Variants in LINGO2 observed in about 807,000 individuals in gnomAD.
LINGO2 encodes the protein leucine-rich repeat and immunoglobulin-like domain-containing nogo receptor-interacting protein 2.
In LINGO2, 14 loss-of-function variants were observed where a neutral mutation model predicts 30.6. That is an observed-to-expected ratio of 0.46 (90% confidence interval 0.30 to 0.72). The LOEUF is 0.72. Ranked by LOEUF, LINGO2 falls within the 30% of genes least tolerant of loss-of-function variation. The pLI, the probability that LINGO2 is intolerant of heterozygous loss-of-function variation, is 0.07. For missense variants in LINGO2, 729 were observed against 751.7 expected, an observed-to-expected ratio of 0.97 and a Z score of 0.35; for synonymous variants, 317 against 288.5, an observed-to-expected ratio of 1.10 and a Z score of -1.00.
chr9:28,026,885 G>A (rs1823404232), intron 4 of LINGO2, among the ~76,000 whole-genome samples: 1 of 152,176 alleles, frequency 6.6e-6, no homozygotes, highest in South Asian at 2.1e-4. Context: ...TAAAAATGTT[G>A]AAGATCTCAG....
At chr9:28,306,916 C>G (rs1824386630) in intron 3 of LINGO2, among the ~76,000 whole-genome samples, 1 of 152,142 alleles carries the variant, frequency 6.6e-6, no homozygotes, top group Non-Finnish European at 1.5e-5. Flanking sequence ...ATAACAAGGT[C>G]TGAAATTGTG....
the LINGO2 span, among the ~76,000 whole-genome samples, chr9:28,816,608 T>C: frequency 9.9e-5 from 15 of 152,274 alleles, no homozygotes; most frequent in Non-Finnish European, 1.8e-4. Flanking sequence ...AGGGTCTGTG[T>C]CTCTACTAAT....
chr9:28,439,325 C>T (rs1587676888), intron 2 of LINGO2, among the ~76,000 whole-genome samples: 1 of 151,510 alleles, frequency 6.6e-6, no homozygotes, highest in African/African-American at 2.4e-5. Context: ...GCCCAGTAAG[C>T]AAGGATCCTC....
At chr9:28,429,763 T>A (rs1310570304) in intron 2 of LINGO2, among the ~76,000 whole-genome samples, 1 of 152,206 alleles carries the variant, frequency 6.6e-6, no homozygotes, top group Non-Finnish European at 1.5e-5. Flanking sequence ...TTATGGCTTC[T>A]TAACCTCACT....
chr9:27,938,082 C>T, the LINGO2 span: 2 of 152,182 alleles, frequency 1.3e-5, no homozygotes, highest in African/African-American at 4.8e-5. Flanking sequence ...AAATAAATAA[C>T]TGTTCCGCCA....
chr9:29,148,518 C>T, the LINGO2 span, among the ~76,000 whole-genome samples: 1 of 152,136 alleles, frequency 6.6e-6, no homozygotes, highest in East Asian at 1.9e-4. Flanking sequence ...TAGTGCCAAC[C>T]TCCTACAATT....
At chr9:28,614,925 G>A (rs1324136158) in intron 1 of LINGO2, among the ~76,000 whole-genome samples, 2 of 152,206 alleles carry the variant, frequency 1.3e-5, no homozygotes, top group South Asian at 4.1e-4. Flanking sequence ...GCTAGAGGAT[G>A]CAGAGGCTTC....
At chr9:29,111,835 A>ATGTG in the LINGO2 span, among the ~76,000 whole-genome samples, 1 of 147,774 alleles carries the variant, frequency 6.8e-6, no homozygotes, top group African/African-American at 2.5e-5. Context: ...ATATATATAT[A>ATGTG]TGTGTGTGTA....
chr9:28,593,999 T>A (rs2135717342), intron 1 of LINGO2, among the ~76,000 whole-genome samples: 1 of 151,742 alleles, frequency 6.6e-6, no homozygotes, highest in Non-Finnish European at 1.5e-5. Flanking sequence ...CTTTCACTAT[T>A]TAAAAAAAAA....
the LINGO2 span, among the ~76,000 whole-genome samples, chr9:28,931,939 C>T: frequency 2.0e-5 from 3 of 151,104 alleles, no homozygotes; most frequent in African/African-American, 7.3e-5. Flanking sequence ...GAAACCCCAT[C>T]TCTACTAAAA....
chr9:28,731,199 G>C, the LINGO2 span, among the ~76,000 whole-genome samples: 1 of 151,964 alleles, frequency 6.6e-6, no homozygotes, highest in Non-Finnish European at 1.5e-5. Context: ...ATGTTAGTCA[G>C]GCTGGTCTTG....
At chr9:29,066,167 T>C in the LINGO2 span, among the ~76,000 whole-genome samples, 2 of 151,898 alleles carry the variant, frequency 1.3e-5, no homozygotes, top group African/African-American at 2.4e-5. Context: ...TGGATTGCTA[T>C]ATTTCTTAAT....
At chr9:28,784,525 G>C in the LINGO2 span, among the ~76,000 whole-genome samples, 1 of 152,116 alleles carries the variant, frequency 6.6e-6, no homozygotes, top group Non-Finnish European at 1.5e-5. Context: ...TTGTAGAGAT[G>C]AGTAAAATAG....
the LINGO2 span, among the ~76,000 whole-genome samples, chr9:28,739,115 T>A: frequency 6.6e-6 from 1 of 151,996 alleles, no homozygotes; most frequent in South Asian, 2.1e-4. Context: ...CTTCTGAAAT[T>A]TATTATTTTT....
the LINGO2 span, among the ~76,000 whole-genome samples, chr9:28,964,442 G>A: frequency 0.09 from 13,622 of 151,926 alleles, 685 homozygotes; most frequent in South Asian, 0.16. Flanking sequence ...GAGGCAAGAA[G>A]CATCATGATA....
At chr9:29,003,499 AAAG>A in the LINGO2 span, among the ~76,000 whole-genome samples, 1 of 152,088 alleles carries the variant, frequency 6.6e-6, no homozygotes, top group East Asian at 1.9e-4. Context: ...GCAAGAGAAA[AAAG>A]AAATACACAC....
the LINGO2 span, among the ~76,000 whole-genome samples, chr9:28,932,096 G>T: frequency 2.5e-5 from 1 of 39,216 alleles, no homozygotes; most frequent in African/African-American, 8.9e-5. Flanking sequence ...GACAGAGCAA[G>T]ACTCTGACAA....
the LINGO2 span, among the ~76,000 whole-genome samples, chr9:29,119,201 C>T: frequency 6.6e-6 from 1 of 152,060 alleles, no homozygotes; most frequent in Non-Finnish European, 1.5e-5. Flanking sequence ...GGGATGATCA[C>T]ATTAAACTAA....
intron 1 of LINGO2, among the ~76,000 whole-genome samples, chr9:28,484,414 C>T (rs1322656746): frequency 6.6e-6 from 1 of 152,030 alleles, no homozygotes; most frequent in Non-Finnish European, 1.5e-5. Context: ...ACAAAATACA[C>T]AGAATCCCAG....
Sources: gnomAD v4.1 joint callset for allele counts (sites outside exome capture counted in the v4.1 genomes callset) on GRCh38, gnomAD v4.1.1 for gene constraint, MANE v1.5 for transcripts, NCBI Gene and HGNC (gene_info 2026-07-23, HGNC 2026-07-21) for gene names.